COL4A2: variants seen among roughly 807,000 people sequenced by gnomAD.
COL4A2 encodes the protein collagen type IV alpha 2 chain, also known as collagen alpha-2(IV) chain.
A neutral mutation model predicts 200.2 loss-of-function variants in COL4A2; 99 were observed. The ratio of observed to expected loss-of-function variants is 0.49; its 90% CI spans 0.42 to 0.58. The LOEUF (loss-of-function observed/expected upper bound fraction) is 0.58, where lower values mean the gene tolerates loss of function less well. Among genes scored for constraint, COL4A2 ranks in the 20% least tolerant of loss-of-function variants. The pLI, the probability that COL4A2 is intolerant of heterozygous loss-of-function variation, is 0.00. For missense variants in COL4A2, 1,950 were observed against 2,314.1 expected (o/e 0.84, Z 3.23); for synonymous variants, 897 against 900.6 (o/e 1.00, Z 0.07).
At chr13:110,345,458 G>A (rs1388332780) in intron 3 of COL4A2, among the ~76,000 whole-genome samples, 1 of 152,158 alleles carries the variant, frequency 6.6e-6, no homozygotes, top group East Asian at 1.9e-4. Context: ...TGGGGTGCAG[G>A]AATCAGAGGA....
intron 32 of COL4A2, among the ~76,000 whole-genome samples, chr13:110,483,135 A>C (rs1594101045): frequency 1.3e-5 from 2 of 151,696 alleles, no homozygotes; most frequent in Admixed American, 6.6e-5. Context: ...GCATCTCAAG[A>C]CCCCCCACGT....
chr13:110,337,799 G>A (rs1448744147), intron 3 of COL4A2, among the ~76,000 whole-genome samples: 1 of 152,164 alleles, frequency 6.6e-6, no homozygotes, highest in Non-Finnish European at 1.5e-5. Flanking sequence ...CATTTTTCAG[G>A]ACAGCTTTGG....
At chr13:110,492,203 ACCCAGACC>A in intron 38 of COL4A2, 26 bp downstream of exon 38, 1 of 1,544,312 alleles carries the variant, frequency 6.5e-7, no homozygotes, top group Non-Finnish European at 8.8e-7. Context: ...ACACGTGGTC[ACCCAGACC>A]CAGAGTCGTG....
intron 4 of COL4A2, among the ~76,000 whole-genome samples, chr13:110,362,488 ATT>A (rs35902884): frequency 2.0e-4 from 29 of 146,138 alleles, no homozygotes; most frequent in Admixed American, 8.1e-4. Flanking sequence ...TGATTTTTGT[ATT>A]TTTTTTTTTT....
intron 11 of COL4A2, among the ~76,000 whole-genome samples, chr13:110,433,073 GCCCTGTGT>G (rs1880740765): frequency 6.6e-6 from 1 of 152,258 alleles, no homozygotes; most frequent in African/African-American, 2.4e-5. Context: ...CGTTTCCTTT[GCCCTGTGT>G]CCCGATGGAG....
chr13:110,468,067 C>A, intron 27 of COL4A2: 2 of 442,298 alleles, frequency 4.5e-6, no homozygotes, highest in Non-Finnish European at 9.5e-6. Flanking sequence ...GCCCTCACTG[C>A]TTCCCGTGAT....
In COL4A2 at chr13:110,503,847, G is replaced by C; in HGVS notation, c.4139G>C (p.Gly1380Ala). The C allele has an allele frequency of 6.2e-7, 1 of 1,613,892 alleles. No homozygotes were observed. The highest frequency in any genetic ancestry group is 1.7e-4 in the Middle Eastern group (1 of 6,060). ...TGGGGCCTCTCTGTTTCCCTTCCAG[G>C]TGCCCCCGGGACTGTGGGAGCCCCC... The part of the protein sequence containing the change: ...KGPKGDPGFP[G>A]APGTVGAPGI... The change falls in exon 44 of 48, where the codon GGT becomes GCT. Residue 1380 changes from glycine (G) to alanine (A), a missense_variant and splice_region_variant. Physicochemically the swap from Gly to Ala is moderately conservative, Grantham distance 60. Coordinates refer to ENST00000360467, the MANE Select transcript of COL4A2 (RefSeq NM_001846.4).
chr13:110,378,515 G>A (rs1216619327), intron 4 of COL4A2, among the ~76,000 whole-genome samples: 1 of 152,176 alleles, frequency 6.6e-6, no homozygotes, highest in East Asian at 1.9e-4. Context: ...TCTCTGAGAT[G>A]GAGAAAGATT....
At chr13:110,449,297 T>G (rs1881442071) in intron 18 of COL4A2, among the ~76,000 whole-genome samples, 1 of 150,726 alleles carries the variant, frequency 6.6e-6, no homozygotes, top group South Asian at 2.1e-4. Context: ...AAAGCCAAAT[T>G]TTGTTATGCA....
chr13:110,501,845 C>G (rs901284405), intron 41 of COL4A2, 61 bp downstream of exon 41: 3 of 1,490,694 alleles, frequency 2.0e-6, no homozygotes, highest in Admixed American at 1.8e-5. Context: ...GGCAATGGCC[C>G]GCTTAATGTA....
At chr13:110,493,392 G>A (rs1178046705) in intron 39 of COL4A2, 110 bp downstream of exon 39, 13 of 1,213,388 alleles carry the variant, frequency 1.1e-5, no homozygotes, top group East Asian at 2.4e-5. Context: ...CAGAGAGCAG[G>A]GTGGGCTTCC....
intron 4 of COL4A2, among the ~76,000 whole-genome samples, chr13:110,416,567 C>T (rs967355893): frequency 2.0e-5 from 3 of 152,208 alleles, no homozygotes; most frequent in Admixed American, 2.0e-4. Context: ...AGCCATTGAG[C>T]ACAACCACCC....
intron 4 of COL4A2, among the ~76,000 whole-genome samples, chr13:110,391,499 T>C (rs1030748939): frequency 4.6e-5 from 7 of 152,238 alleles, no homozygotes; most frequent in Non-Finnish European, 7.3e-5. Flanking sequence ...TCCAGAGATA[T>C]AACAATGCAT....
chr13:110,394,283 C>T (rs1043899768), intron 4 of COL4A2, among the ~76,000 whole-genome samples: 5 of 152,174 alleles, frequency 3.3e-5, no homozygotes, highest in Admixed American at 2.6e-4. Flanking sequence ...AATTAACTCA[C>T]TTATTACTAT....
chr13:110,509,274 C>T (rs113380668), intron 47 of COL4A2, among the ~76,000 whole-genome samples: 24,093 of 78,760 alleles, frequency 0.31, 2,891 homozygotes, highest in Non-Finnish European at 0.34. Context: ...TATATATACA[C>T]ACACACACAC....
chr13:110,379,135 A>G (rs960542736), intron 4 of COL4A2, among the ~76,000 whole-genome samples: 6 of 152,212 alleles, frequency 3.9e-5, no homozygotes, highest in African/African-American at 1.4e-4. Flanking sequence ...TCTCAGGGAC[A>G]TCAGACAAAA....
chr13:110,372,810 C>T (rs1225292884), intron 4 of COL4A2, among the ~76,000 whole-genome samples: 1 of 152,120 alleles, frequency 6.6e-6, no homozygotes, highest in Non-Finnish European at 1.5e-5. Context: ...CAGGTGTTTC[C>T]TATGCCTTTG....
intron 20 of COL4A2, among the ~76,000 whole-genome samples, chr13:110,452,797 C>G (rs537059793): frequency 6.6e-6 from 1 of 152,130 alleles, no homozygotes; most frequent in South Asian, 2.1e-4. Context: ...GGGTCTCGCT[C>G]TGTATCCCAG....
At chr13:110,332,900 G>T (rs182782553) in intron 3 of COL4A2, among the ~76,000 whole-genome samples, 205 of 152,314 alleles carry the variant, frequency 1.3e-3, no homozygotes, top group Admixed American at 4.3e-3. Flanking sequence ...TGAACACACG[G>T]TGCTATTTCC....
Sources: gnomAD v4.1 joint callset for allele counts (sites outside exome capture counted in the v4.1 genomes callset) on GRCh38, gnomAD v4.1.1 for gene constraint, MANE v1.5 for transcripts, NCBI Gene and HGNC (gene_info 2026-07-23, HGNC 2026-07-21) for gene names.